ZNF235: variants seen among roughly 807,000 people sequenced by gnomAD.
ZNF235 encodes zfp-93.
ZNF235 carries 25 observed loss-of-function variants against 29.4 expected under a neutral mutation model. The observed-to-expected ratio is 0.85, with a 90% confidence interval of 0.62 to 1.19. The LOEUF (loss-of-function observed/expected upper bound fraction) is 1.19, where lower values mean the gene tolerates loss of function less well. Among genes scored for constraint, ZNF235 ranks in the 50% most tolerant of loss-of-function variants. ZNF235 has a pLI of 0.00. For synonymous variants in ZNF235, 300 were observed against 295.3 expected (o/e 1.02, Z -0.16); for missense variants, 788 against 885.0 (o/e 0.89, Z 1.39).
chr19:44,293,966 T>C (rs563224553), intron 4 of ZNF235, among the ~76,000 whole-genome samples: 39 of 143,148 alleles, frequency 2.7e-4, no homozygotes, highest in Admixed American at 1.9e-3. Context: ...AAAAAAAAGA[T>C]AAAAAATTAA....
chr19:44,287,207 A>C lies in ZNF235; in HGVS notation c.*11T>G. The C allele has an allele frequency of 6.4e-7, 1 of 1,569,394 alleles. No homozygotes were observed. Among genetic ancestry groups the C allele is most frequent in the East Asian group, 2.3e-5 (1 of 44,340 alleles). ...GAGCTCTAACTGAAGGCTGAACCAC[A>C]CCTCTCATTTCTACAGATTCCCTCC... On this transcript the variant is annotated 3_prime_UTR_variant, in exon 5 of 5. Coordinates refer to ENST00000291182, the MANE Select transcript of ZNF235 (RefSeq NM_004234.4).
Position 44,288,838 on chromosome 19 carries a change from C to T in ZNF235, c.597G>A (p.Lys199=). The stretch of plus-strand genomic sequence containing the variant: ...ATAGTTTGTTTTTCATCTGAGTCTG[C>T]TTACAACTTCTCTGATAATTCTGTG... ...NETQNYQRSC[K]QTQMKNKLCI... is the part of the protein sequence containing the mutation. Residue 199 remains lysine (K), a synonymous_variant, in exon 5 of 5, where the codon AAG becomes AAA. Transcript: ENST00000291182. The T allele has an allele frequency of 6.2e-7, 1 of 1,613,120 alleles. No individual in the cohort carries two copies. The highest frequency in any genetic ancestry group is 1.1e-5 in the South Asian group (1 of 90,948).
chr19:44,303,111 TTATAA>T (rs1975777712), intron 2 of ZNF235, among the ~76,000 whole-genome samples: 3 of 140,824 alleles, frequency 2.1e-5, no homozygotes, highest in African/African-American at 5.2e-5. Context: ...CGTATATTTC[TTATAA>T]ATATATACAT....
intron 4 of ZNF235, among the ~76,000 whole-genome samples, chr19:44,291,894 C>T (rs955888756): frequency 6.6e-6 from 1 of 152,092 alleles, no homozygotes; most frequent in African/African-American, 2.4e-5. Context: ...CTTCTCAACA[C>T]ATTTTAGGAA....
chr19:44,303,576 TGAG>T (rs937957136), intron 1 of ZNF235, 124 bp from the exon 2 acceptor site: 115 of 770,898 alleles, frequency 1.5e-4, no homozygotes, highest in African/African-American at 9.9e-4. Flanking sequence ...CACGGCTTAG[TGAG>T]GAGAACGGGA....
chr19:44,300,642 C>T (rs1046563554), intron 2 of ZNF235, among the ~76,000 whole-genome samples: 13 of 151,958 alleles, frequency 8.6e-5, no homozygotes, highest in African/African-American at 3.1e-4. Flanking sequence ...GAGTTCAAGA[C>T]CAACCCGACA....
At chr19:44,293,336 A>T (rs1182164477) in intron 4 of ZNF235, among the ~76,000 whole-genome samples, 1 of 152,156 alleles carries the variant, frequency 6.6e-6, no homozygotes, top group African/African-American at 2.4e-5. Flanking sequence ...AAAAAAAGAC[A>T]AAGTCATTAC....
chr19:44,287,460 C>T lies in ZNF235; in HGVS notation c.1975G>A (p.Glu659Lys), dbSNP rs145777550. The part of the protein sequence containing the change: ...HTGEKPFKCE[E>K]CGKEFSWSAG... Reference sequence around the variant, plus strand: ...CTCCAACTGAATTCTTTCCCACATTCCTCACATTTAAATGGTTTCTCTCCA... The same window carrying T: ...CTCCAACTGAATTCTTTCCCACATTTCTCACATTTAAATGGTTTCTCTCCA... The change falls in exon 5 of 5, where the codon GAA becomes AAA. Residue 659 changes from glutamate to lysine, a missense_variant. Physicochemically the swap from Glu to Lys is moderately conservative, Grantham distance 56. Coordinates refer to ENST00000291182, the MANE Select transcript of ZNF235 (RefSeq NM_004234.4). 127 of 1,614,112 alleles carry T rather than the reference C, an allele frequency of 7.9e-5. No individual in the cohort carries two copies. Among genetic ancestry groups the T allele is most frequent in the Non-Finnish European group, 1.1e-4 (124 of 1,180,018 alleles).
intron 4 of ZNF235, among the ~76,000 whole-genome samples, chr19:44,296,006 C>T (rs1975648904): frequency 6.6e-6 from 1 of 152,092 alleles, no homozygotes; most frequent in Non-Finnish European, 1.5e-5. Flanking sequence ...GTGATTTCAA[C>T]CACAGGAGGC....
intron 4 of ZNF235, among the ~76,000 whole-genome samples, chr19:44,291,251 C>A (rs1243712832): frequency 6.6e-6 from 1 of 152,198 alleles, no homozygotes. Context: ...ACAGAAACAT[C>A]TCTGCAAAAT....
intron 2 of ZNF235, among the ~76,000 whole-genome samples, chr19:44,300,397 T>C (rs920968837): frequency 6.6e-6 from 1 of 152,248 alleles, no homozygotes; most frequent in Non-Finnish European, 1.5e-5. Flanking sequence ...ATCCCATTCA[T>C]AGCTGCATGA....
intron 4 of ZNF235, among the ~76,000 whole-genome samples, chr19:44,295,775 G>A (rs984938883): frequency 1.3e-5 from 2 of 152,056 alleles, no homozygotes; most frequent in African/African-American, 4.8e-5. Context: ...AGAGAACCCA[G>A]AAATAAGTCA....
intron 1 of ZNF235, chr19:44,304,688 TTAAG>T (rs1975805005): frequency 1.0e-6 from 1 of 980,218 alleles, no homozygotes; most frequent in Non-Finnish European, 1.2e-6. Context: ...CAAGGAGAGA[TTAAG>T]TAACTTGCCC....
In ZNF235 at chr19:44,288,522, C is replaced by T; in HGVS notation, c.913G>A (p.Gly305Ser). 1.9e-6 allele frequency: 3 copies of T among 1,614,094 alleles called. No homozygotes were observed. Among genetic ancestry groups the T allele is most frequent in the Non-Finnish European group, 2.5e-6 (3 of 1,179,976 alleles). Residue 305 changes from glycine (G) to serine (S), a missense_variant, in exon 5 of 5, where the codon GGT becomes AGT. Transcript: ENST00000291182. The stretch of plus-strand genomic sequence containing the variant: ...CGAACACTTTGTTGAACAGGAATAC[C>T]TGAGCTATAACTGGTGTCCTTCTCA... ...THEKDTSYSS[G>S]IPVQQSVRTG... is the part of the protein sequence containing the mutation.
At chr19:44,297,204 C>T (rs1352947212) in intron 4 of ZNF235, 4 of 193,648 alleles carry the variant, frequency 2.1e-5, no homozygotes, top group Non-Finnish European at 3.3e-5. Context: ...ATTCTGCCCC[C>T]ACTCAGCCCC....
Position 44,287,457 on chromosome 19 carries a change from A to G in ZNF235, c.1978T>C (p.Cys660Arg), listed in dbSNP as rs752648684. Residue 660 changes from cysteine to arginine, a missense_variant, in exon 5 of 5, where the codon TGT becomes CGT. By Grantham distance (180) the Cys-to-Arg change is radical (BLOSUM62 -3). Transcript: ENST00000291182. Reference sequence around the variant, plus strand: ...GCACTCCAACTGAATTCTTTCCCACATTCCTCACATTTAAATGGTTTCTCT... The same window carrying G: ...GCACTCCAACTGAATTCTTTCCCACGTTCCTCACATTTAAATGGTTTCTCT... ...TGEKPFKCEECGKEFSWSAGL... is the reference protein window; with the variant it reads ...TGEKPFKCEERGKEFSWSAGL... 3.1e-6 allele frequency: 5 copies of G among 1,613,992 alleles called. No individual in the cohort carries two copies. In the Admixed American group the frequency reaches 6.7e-5, roughly 22 times the overall value.
At chr19:44,299,006 A>G in intron 3 of ZNF235, 103 bp from the exon 4 acceptor site, 1 of 727,730 alleles carries the variant, frequency 1.4e-6, no homozygotes, top group South Asian at 1.8e-5. Flanking sequence ...CCCAGCATGC[A>G]ATGTTTAGGG....
chr19:44,288,768 G>C lies in ZNF235; in HGVS notation c.667C>G (p.His223Asp), dbSNP rs144958689. The C allele has an allele frequency of 3.7e-5, 59 of 1,613,706 alleles. 2 individuals carry two copies. The African/African-American group carries it at 6.7e-4, about 18-fold the overall frequency. ...YVDIFSCISHHHDDNIVHKRD... is the reference protein window; with the variant it reads ...YVDIFSCISHDHDDNIVHKRD... ...TTGTGCACTATATTATCATCATGGT[G>C]GTGTGAAATACAACTGAAAATGTCA... The change falls in exon 5 of 5, where the codon CAC becomes GAC. Residue 223 changes from histidine to aspartate, a missense_variant. Transcript: ENST00000291182.
rs934248289 is a variant in ZNF235 at position 44,295,611 on chromosome 19, C to A, written c.238+3197G>T. Among the ~76,000 whole-genome samples the A allele has an allele frequency of 5.9e-5, 9 of 151,966 alleles. 1 individual carries two copies. Among genetic ancestry groups the A allele is most frequent in the Admixed American group, 5.9e-4 (9 of 15,260 alleles). On this transcript the variant is annotated intron_variant, in intron 4 of 4. Coordinates refer to ENST00000291182, the MANE Select transcript of ZNF235 (RefSeq NM_004234.4). ...AAACAATTCTAAAATTCATATGGAA[C>A]CAAAAAAGAGCCTGAATAGACAAAG... is the stretch of plus-strand genomic sequence containing the variant.
Sources: allele counts gnomAD v4.1 joint callset (sites outside exome capture counted in the v4.1 genomes callset), GRCh38; gene constraint gnomAD v4.1.1; transcripts MANE v1.5; gene names NCBI Gene and HGNC (gene_info 2026-07-23, HGNC 2026-07-21).